GRM7: variants seen among roughly 807,000 people sequenced by gnomAD.
The protein encoded by GRM7 is metabotropic glutamate receptor 7.
In GRM7, 35 loss-of-function variants were observed where a neutral mutation model predicts 84.5. That is an observed-to-expected ratio of 0.41 (90% CI 0.32 to 0.55). The LOEUF (loss-of-function observed/expected upper bound fraction) is 0.55, where lower values mean the gene tolerates loss of function less well. GRM7 is among the 20% of genes least tolerant of loss of function. The pLI is 0.19. For missense variants in GRM7, 1,003 were observed against 1,194.6 expected (o/e 0.84, Z 2.36); for synonymous variants, 487 against 455.1 (o/e 1.07, Z -0.89).
At position 7,099,528 on chromosome 3, in the gene GRM7, G is replaced by A. The variant is rs183726981; in HGVS notation, c.520-46924G>A. 2.3e-3 allele frequency among the ~76,000 whole-genome samples: 329 copies of A among 142,686 alleles called. 1 individual carries two copies. Among genetic ancestry groups the A allele is most frequent in the African/African-American group, 7.3e-3 (269 of 36,838 alleles). The allele number at this position is 142,686 out of a possible 152,430, so 93.6% of individuals were successfully genotyped here. ...TGTACACATATATGTATATGTACACGCATTATACATGTACACATATATGTA... is the reference window on the plus strand; with the variant it reads ...TGTACACATATATGTATATGTACACACATTATACATGTACACATATATGTA... On this transcript the variant is annotated intron_variant, in intron 1 of 9. Coordinates refer to ENST00000357716, the MANE Select transcript of GRM7 (RefSeq NM_000844.4).
chr3:7,554,320 G>T (rs1290639701), intron 7 of GRM7, among the ~76,000 whole-genome samples: 3 of 152,248 alleles, frequency 2.0e-5, no homozygotes, highest in Middle Eastern at 3.4e-3. Context: ...TCACTTTGTT[G>T]CATTGGCTTC....
chr3:7,075,776 T>A (rs1234555188), intron 1 of GRM7, among the ~76,000 whole-genome samples: 1 of 152,246 alleles, frequency 6.6e-6, no homozygotes, highest in East Asian at 1.9e-4. Flanking sequence ...TCTGCCCGCC[T>A]CAGCCTGCCA....
At chr3:6,895,547 G>A (rs1696147043) in intron 1 of GRM7, among the ~76,000 whole-genome samples, 3 of 152,070 alleles carry the variant, frequency 2.0e-5, no homozygotes, top group Non-Finnish European at 2.9e-5. Context: ...CAGAGATACT[G>A]TCATTTGGCC....
At chr3:7,582,266 G>A (rs2125056110) in intron 8 of GRM7, among the ~76,000 whole-genome samples, 1 of 152,278 alleles carries the variant, frequency 6.6e-6, no homozygotes, top group Non-Finnish European at 1.5e-5. Flanking sequence ...TATGCCTCAG[G>A]TAGGGAACAT....
chr3:7,421,143 G>T (rs1432121168), intron 5 of GRM7, among the ~76,000 whole-genome samples: 2 of 152,142 alleles, frequency 1.3e-5, no homozygotes, highest in Non-Finnish European at 2.9e-5. Flanking sequence ...ACTTAAATAT[G>T]AAAGTTTATC....
intron 7 of GRM7, among the ~76,000 whole-genome samples, chr3:7,525,445 C>A (rs1575451687): frequency 6.6e-6 from 1 of 151,972 alleles, no homozygotes. Context: ...TTTCAAACTC[C>A]TAGACTCGAG....
At chr3:6,920,882 A>G (rs1697100637) in intron 1 of GRM7, among the ~76,000 whole-genome samples, 1 of 152,154 alleles carries the variant, frequency 6.6e-6, no homozygotes, top group South Asian at 2.1e-4. Flanking sequence ...TTGGAATTGT[A>G]TGTTTCCAAA....
chr3:7,415,036 C>T lies in GRM7; in HGVS notation c.1047C>T (p.Tyr349=), dbSNP rs375329021. 1 of 1,612,608 alleles carries T rather than the reference C, an allele frequency of 6.2e-7. No homozygotes were observed. The highest frequency in any genetic ancestry group is 8.5e-7 in the Non-Finnish European group (1 of 1,179,028). The change falls in exon 5 of 10, where the codon TAC becomes TAT. Residue 349 remains tyrosine, a synonymous_variant. Transcript: ENST00000357716. ...KRATVEGFDA[Y]FTSRTLENNR... is the part of the protein sequence containing the mutation. ...AACTCTGTTTAGGGTTTGATGCCTA[C>T]TTTACGTCCCGTACACTTGAAAACA...
Position 7,249,555 on chromosome 3 carries a change from C to G in GRM7, c.737-49129C>G, listed in dbSNP as rs75500418. Among the ~76,000 whole-genome samples the G allele has an allele frequency of 2.7e-3, 407 of 152,184 alleles. 1 individual carries two copies. The highest frequency in any genetic ancestry group is 9.2e-3 in the African/African-American group (380 of 41,524). On this transcript the variant is annotated intron_variant, in intron 2 of 9. Transcript: ENST00000357716. ...TTTGAAAATTCATATAGTTTAACGA[C>G]AGAAACTGTCTCTGATAAGGGAAAC...
chr3:7,064,255 TC>T (rs1456559883), intron 1 of GRM7, among the ~76,000 whole-genome samples: 2 of 150,322 alleles, frequency 1.3e-5, no homozygotes, highest in African/African-American at 4.9e-5. Context: ...TCCCCCCAAG[TC>T]CCCAAAGTCC....
At chr3:7,666,306 G>GAATT (rs2125128288) in intron 8 of GRM7, among the ~76,000 whole-genome samples, 1 of 152,282 alleles carries the variant, frequency 6.6e-6, no homozygotes, top group South Asian at 2.1e-4. Context: ...CCTTTCACTG[G>GAATT]AATTAAGTTT....
At chr3:7,567,566 G>A (rs1694363180) in intron 7 of GRM7, among the ~76,000 whole-genome samples, 1 of 151,686 alleles carries the variant, frequency 6.6e-6, no homozygotes, top group Non-Finnish European at 1.5e-5. Context: ...TGGCCAACAT[G>A]GTGAAACCCA....
chr3:7,093,539 T>G (rs1450091561), intron 1 of GRM7, among the ~76,000 whole-genome samples: 1 of 151,146 alleles, frequency 6.6e-6, no homozygotes, highest in Non-Finnish European at 1.5e-5. Context: ...TAGCTGGGCA[T>G]GGTGACGCAT....
chr3:7,450,995 AC>A (rs1697742902), intron 5 of GRM7, among the ~76,000 whole-genome samples: 1 of 152,150 alleles, frequency 6.6e-6, no homozygotes, highest in Non-Finnish European at 1.5e-5. Context: ...GCTGTCCGGA[AC>A]CCTTTGTGTG....
intron 4 of GRM7, among the ~76,000 whole-genome samples, chr3:7,409,067 AT>A (rs1251666292): frequency 6.6e-6 from 1 of 152,152 alleles, no homozygotes; most frequent in Non-Finnish European, 1.5e-5. Flanking sequence ...CCAATGATAA[AT>A]TGATCTGTTT....
At chr3:7,375,486 G>A (rs932416365) in intron 4 of GRM7, among the ~76,000 whole-genome samples, 4 of 152,024 alleles carry the variant, frequency 2.6e-5, no homozygotes, top group South Asian at 2.1e-4. Context: ...CCAAAGTGCT[G>A]GGATTACAGG....
intron 1 of GRM7, among the ~76,000 whole-genome samples, chr3:7,119,504 CA>C (rs1693149880): frequency 6.6e-6 from 1 of 152,092 alleles, no homozygotes; most frequent in Non-Finnish European, 1.5e-5. Context: ...ATCAGCAGAA[CA>C]AACATAAAAC....
chr3:7,463,663 A>T (rs3828431), intron 7 of GRM7, among the ~76,000 whole-genome samples: 55,191 of 151,922 alleles, frequency 0.36, 11,194 homozygotes, highest in Non-Finnish European at 0.48. Context: ...GGAAGGACCT[A>T]CTACAAGAGA....
At chr3:7,739,241 C>T (rs746098531) in intron 9 of GRM7, among the ~76,000 whole-genome samples, 4 of 152,082 alleles carry the variant, frequency 2.6e-5, no homozygotes, top group Non-Finnish European at 4.4e-5. Flanking sequence ...ATGTATGTAC[C>T]TGTAACGTAC....
Sources: allele counts gnomAD v4.1 joint callset (sites outside exome capture counted in the v4.1 genomes callset), GRCh38; gene constraint gnomAD v4.1.1; transcripts MANE v1.5; gene names NCBI Gene and HGNC (gene_info 2026-07-23, HGNC 2026-07-21).